Variants in SH2D4B observed in about 807,000 individuals in gnomAD.
The protein encoded by SH2D4B is SH2 domain containing 4B, also known as SH2 domain-containing protein 4B.
A neutral mutation model predicts 61.5 loss-of-function variants in SH2D4B; 45 were observed. The observed-to-expected ratio is 0.73, with a 90% CI of 0.58 to 0.94. SH2D4B has a LOEUF of 0.94. SH2D4B is among the 40% of genes least tolerant of loss of function. The pLI, the probability that SH2D4B is intolerant of heterozygous loss-of-function variation, is 0.00. For missense variants in SH2D4B, 572 were observed against 574.2 expected (o/e 1.00, Z 0.04); for synonymous variants, 224 against 220.4 (o/e 1.02, Z -0.14).
chr10:80,644,177 G>C lies in SH2D4B; in HGVS notation c.*92G>C. On this transcript the variant is annotated 3_prime_UTR_variant, in exon 8 of 8. Transcript: ENST00000646907. ...TCTCAAATCCTATGGCCTTCTGGAA[G>C]ATCCACCACTATCCAAAGGAAAAAG... 1 of 991,490 alleles carries C rather than the reference G, an allele frequency of 1.0e-6. No individual in the cohort carries two copies. Among genetic ancestry groups the C allele is most frequent in the Non-Finnish European group, 1.6e-6 (1 of 639,004 alleles). 61.4% of individuals were successfully genotyped at this position (991,490 alleles called of 1,614,324 possible). A position where few individuals can be genotyped will look rare whatever the true frequency, so the allele number is the denominator to read the frequency against.
chr10:80,596,629 C>T lies in SH2D4B; in HGVS notation c.644-6950C>T, dbSNP rs540827964. 1.2e-3 allele frequency among the ~76,000 whole-genome samples: 188 copies of T among 152,278 alleles called. 1 individual carries two copies. Among genetic ancestry groups the T allele is most frequent in the South Asian group, 5.0e-3 (24 of 4,820 alleles). ...TGCACAGGTAGTTCCTCATGGGTTC[C>T]GTCCTGTGGAGTTACTGCTGGGCAT... On this transcript the variant is annotated intron_variant, in intron 4 of 7. Transcript: ENST00000646907.
At chr10:80,588,257 G>A (rs1842282771) in intron 3 of SH2D4B, among the ~76,000 whole-genome samples, 1 of 152,144 alleles carries the variant, frequency 6.6e-6, no homozygotes, top group South Asian at 2.1e-4. Context: ...ACAGAAACTA[G>A]GGAGGAGTTA....
In SH2D4B at chr10:80,588,486, A is replaced by G. The variant is rs546334022; in HGVS notation, c.496-144A>G. ...TCTATGGGAGTACTGGGTAATTTCA[A>G]TTTCATACATGTAGGGACTGAGGCT... On this transcript the variant is annotated intron_variant, in intron 3 of 7. Coordinates refer to ENST00000646907, the MANE Select transcript of SH2D4B (RefSeq NM_001388272.1). 9 of 1,052,074 alleles carry G rather than the reference A, an allele frequency of 8.6e-6. No homozygotes were observed. The South Asian group carries it at 1.0e-4, about 12-fold the overall frequency. 65.2% of individuals were successfully genotyped at this position (1,052,074 alleles called of 1,614,324 possible). A position where few individuals can be genotyped will look rare whatever the true frequency, so the allele number is the denominator to read the frequency against.
At chr10:80,547,451 C>CTGG (rs946185696) in intron 1 of SH2D4B, among the ~76,000 whole-genome samples, 3 of 152,106 alleles carry the variant, frequency 2.0e-5, no homozygotes, top group Non-Finnish European at 4.4e-5. Context: ...CACAGGAACA[C>CTGG]TGGGAAGTCA....
intron 6 of SH2D4B, among the ~76,000 whole-genome samples, chr10:80,612,935 C>G (rs1842618300): frequency 1.3e-5 from 2 of 152,206 alleles, no homozygotes; most frequent in African/African-American, 4.8e-5. Context: ...TTTAAATTCC[C>G]CATCTGTGAA....
At chr10:80,585,145 A>G (rs932221604) in intron 3 of SH2D4B, among the ~76,000 whole-genome samples, 4 of 152,186 alleles carry the variant, frequency 2.6e-5, no homozygotes, top group African/African-American at 9.7e-5. Context: ...TGGGACAGAA[A>G]TGGGAAATTT....
intron 7 of SH2D4B, among the ~76,000 whole-genome samples, chr10:80,638,247 CT>C (rs777502648): frequency 1.6e-3 from 239 of 152,248 alleles, no homozygotes; most frequent in Non-Finnish European, 2.9e-3. Context: ...CTAAAATTCT[CT>C]TTTTTTGTTG....
chr10:80,642,493 A>G (rs1840323702), intron 7 of SH2D4B, among the ~76,000 whole-genome samples: 3 of 152,232 alleles, frequency 2.0e-5, no homozygotes, highest in African/African-American at 7.2e-5. Flanking sequence ...GTTTTAATGA[A>G]ACATCACTGT....
chr10:80,549,349 G>A (rs571683702), intron 1 of SH2D4B, among the ~76,000 whole-genome samples: 6 of 152,208 alleles, frequency 3.9e-5, no homozygotes, highest in African/African-American at 9.7e-5. Context: ...TGGCCCTGCC[G>A]TGCAGTGGGT....
intron 1 of SH2D4B, among the ~76,000 whole-genome samples, chr10:80,547,409 G>A (rs1397542830): frequency 6.6e-6 from 1 of 152,112 alleles, no homozygotes; most frequent in Non-Finnish European, 1.5e-5. Flanking sequence ...CTTTTTGGTT[G>A]ATTCCCTTGG....
At chr10:80,569,643 A>G (rs748947805) in intron 1 of SH2D4B, among the ~76,000 whole-genome samples, 2 of 151,338 alleles carry the variant, frequency 1.3e-5, no homozygotes, top group Non-Finnish European at 2.9e-5. Flanking sequence ...CAATGCTCTT[A>G]TACATTTTTA....
rs1004548916 is a variant in SH2D4B at position 80,539,483 on chromosome 10, C to T, written c.184+968C>T. The stretch of plus-strand genomic sequence containing the variant: ...GTGCCACAGGCCACACCCACATCAT[C>T]TGGACATGCTTGCTCTTGTCTCTGG... On this transcript the variant is annotated intron_variant, in intron 1 of 7. Transcript: ENST00000646907. This position sits in a 1 kb window ranked among gnomAD's most constrained non-coding sequence, Gnocchi z 4.9. 5.9e-5 allele frequency among the ~76,000 whole-genome samples: 9 copies of T among 152,252 alleles called. No homozygotes were observed. The highest frequency in any genetic ancestry group is 1.0e-4 in the Non-Finnish European group (7 of 68,050).
intron 1 of SH2D4B, among the ~76,000 whole-genome samples, chr10:80,545,312 C>T (rs1445106157): frequency 6.6e-6 from 1 of 151,928 alleles, no homozygotes; most frequent in Non-Finnish European, 1.5e-5. Context: ...CGCGAATTTG[C>T]CTCTTCCTCC....
chr10:80,643,014 G>A (rs1332889410), intron 7 of SH2D4B: 2 of 152,652 alleles, frequency 1.3e-5, no homozygotes, highest in African/African-American at 4.8e-5. Context: ...CACTGATGCT[G>A]AGGATCTTTT....
At chr10:80,600,158 A>T (rs773657217) in intron 4 of SH2D4B, among the ~76,000 whole-genome samples, 5 of 151,206 alleles carry the variant, frequency 3.3e-5, no homozygotes, top group African/African-American at 4.9e-5. Flanking sequence ...AGATAAGGTA[A>T]TTCAGGTTGC....
chr10:80,559,046 A>G (rs11186047), intron 1 of SH2D4B, among the ~76,000 whole-genome samples: 35,073 of 151,862 alleles, frequency 0.23, 5,051 homozygotes, highest in East Asian at 0.49. Context: ...TTCATTTCTA[A>G]TGGTATATAT....
intron 3 of SH2D4B, among the ~76,000 whole-genome samples, chr10:80,579,444 C>T (rs982215300): frequency 6.6e-6 from 1 of 152,092 alleles, no homozygotes; most frequent in Admixed American, 6.5e-5. Flanking sequence ...GCATTTATTT[C>T]CCCCGTGCTT....
At chr10:80,552,295 C>A (rs1249058393) in intron 1 of SH2D4B, among the ~76,000 whole-genome samples, 13 of 152,178 alleles carry the variant, frequency 8.5e-5, no homozygotes. Context: ...TCCCTTCTCC[C>A]AGCTGCTGCC....
Position 80,591,899 on chromosome 10 carries a change from AT to A in SH2D4B, c.643+3124del, listed in dbSNP as rs201706127. On this transcript the variant is annotated intron_variant, in intron 4 of 7. Transcript: ENST00000646907. ...CATTAATCCATGAAAGGATTAATCC[AT>A]TCTTGAAGGCAGAGTCTTCATGATC... 4.6e-3 allele frequency among the ~76,000 whole-genome samples: 699 copies of A among 152,292 alleles called. 6 individuals carry two copies. The highest frequency in any genetic ancestry group is 0.016 in the African/African-American group (671 of 41,566).
Sources: allele counts gnomAD v4.1 joint callset (sites outside exome capture counted in the v4.1 genomes callset), GRCh38; gene constraint gnomAD v4.1.1; non-coding constraint Gnocchi (gnomAD v3.1); transcripts MANE v1.5; gene names NCBI Gene and HGNC (gene_info 2026-07-23, HGNC 2026-07-21).